The following SSBP2 variants were observed in gnomAD, a reference collection of about 807,000 sequenced individuals.
SSBP2 encodes the protein single stranded DNA binding protein 2.
Under a neutral mutation model 61.8 loss-of-function variants are expected in SSBP2, and 17 were observed. That is an observed-to-expected ratio of 0.28 (90% CI 0.19 to 0.41). The LOEUF (loss-of-function observed/expected upper bound fraction) is 0.41. SSBP2 is among the 10% of genes least tolerant of loss of function. The probability of loss-of-function intolerance (pLI) is 1.00; values close to 1 mark genes in which losing one functional copy is unlikely to be tolerated. For synonymous variants in SSBP2, 139 were observed against 141.3 expected (o/e 0.98, Z 0.12); for missense variants, 310 against 458.7 (o/e 0.68, Z 2.96).
chr5:81,602,261 C>G (rs940321025), intron 4 of SSBP2, among the ~76,000 whole-genome samples: 1 of 152,166 alleles, frequency 6.6e-6, no homozygotes, highest in African/African-American at 2.4e-5. Flanking sequence ...TTAGTCCAGA[C>G]TGATATAATT....
intron 4 of SSBP2, among the ~76,000 whole-genome samples, chr5:81,545,883 G>A (rs1285352418): frequency 2.6e-5 from 4 of 152,118 alleles, no homozygotes; most frequent in African/African-American, 9.7e-5. Context: ...TTTGTCATAG[G>A]CCTTTGCTCC....
chr5:81,635,580 A>ATTTT (rs35464950), intron 3 of SSBP2, among the ~76,000 whole-genome samples: 5 of 130,888 alleles, frequency 3.8e-5, no homozygotes, highest in Non-Finnish European at 4.8e-5. Flanking sequence ...GTAGAAAGCA[A>ATTTT]TTTTTTTTTT....
At chr5:81,425,620 A>G (rs904291444) in intron 16 of SSBP2, among the ~76,000 whole-genome samples, 2 of 151,990 alleles carry the variant, frequency 1.3e-5, no homozygotes. Flanking sequence ...TTTTTTTTGA[A>G]CTAAGGCTTT....
Position 81,414,826 on chromosome 5 carries a change from G to A in SSBP2, c.*5678C>T, listed in dbSNP as rs1580617605. The A allele has an allele frequency of 7.7e-6, 1 of 130,432 alleles. No homozygotes were observed. Among genetic ancestry groups the A allele is most frequent in the East Asian group, 2.2e-4 (1 of 4,446 alleles). 8.1% of individuals were successfully genotyped at this position (130,432 alleles called of 1,614,324 possible). ...TGTTTTACCACTGAAATGAAAAGTA[G>A]TCAAAGGAAATAATTATGTTTAATC... On this transcript the variant is annotated 3_prime_UTR_variant, in exon 17 of 17. Coordinates refer to ENST00000320672, the MANE Select transcript of SSBP2 (RefSeq NM_012446.5).
At chr5:81,715,135 C>T (rs1358579174) in intron 1 of SSBP2, among the ~76,000 whole-genome samples, 2 of 152,106 alleles carry the variant, frequency 1.3e-5, no homozygotes, top group Non-Finnish European at 2.9e-5. Flanking sequence ...CACACCCACA[C>T]ACTCACAGAG....
intron 1 of SSBP2, among the ~76,000 whole-genome samples, chr5:81,698,136 A>G (rs562033982): frequency 5.3e-5 from 8 of 152,226 alleles, no homozygotes; most frequent in Non-Finnish European, 1.0e-4. Context: ...CAAAGAAAAT[A>G]CACTGAAAGT....
intron 1 of SSBP2, among the ~76,000 whole-genome samples, chr5:81,744,884 A>G (rs949095042): frequency 6.6e-6 from 1 of 152,128 alleles, no homozygotes; most frequent in African/African-American, 2.4e-5. Context: ...TTCTAAAGAA[A>G]TGACACCAAC....
At chr5:81,461,034 A>T (rs752312753) in intron 10 of SSBP2, 21 bp downstream of exon 10, 32 of 1,297,796 alleles carry the variant, frequency 2.5e-5, no homozygotes, top group South Asian at 1.2e-4. Flanking sequence ...AATATTAAAA[A>T]AAATATATAT....
At chr5:81,536,704 G>T (rs1267523409) in intron 4 of SSBP2, among the ~76,000 whole-genome samples, 1 of 152,100 alleles carries the variant, frequency 6.6e-6, no homozygotes, top group Non-Finnish European at 1.5e-5. Context: ...TCACAGGACA[G>T]GAAAAATTAC....
intron 1 of SSBP2, among the ~76,000 whole-genome samples, chr5:81,745,905 G>C (rs977589356): frequency 6.6e-6 from 1 of 152,044 alleles, no homozygotes; most frequent in South Asian, 2.1e-4. Flanking sequence ...CTGCCCCACA[G>C]AGTATGCTCT....
intron 4 of SSBP2, among the ~76,000 whole-genome samples, chr5:81,558,246 A>G (rs966404638): frequency 6.6e-6 from 1 of 152,174 alleles, no homozygotes; most frequent in African/African-American, 2.4e-5. Context: ...TACTGTTGCT[A>G]CATGTCTTAG....
At chr5:81,649,385 T>C (rs1194878178) in intron 2 of SSBP2, among the ~76,000 whole-genome samples, 1 of 151,968 alleles carries the variant, frequency 6.6e-6, no homozygotes, top group Non-Finnish European at 1.5e-5. Context: ...TAGGTGCCTA[T>C]CAGTGGTGGA....
intron 1 of SSBP2, among the ~76,000 whole-genome samples, chr5:81,688,542 C>T (rs553729904): frequency 2.1e-4 from 32 of 152,336 alleles, no homozygotes; most frequent in Middle Eastern, 6.8e-3. Flanking sequence ...ACCCCTCACG[C>T]AGCTCCAGGC....
chr5:81,729,649 T>C (rs1000646218), intron 1 of SSBP2, among the ~76,000 whole-genome samples: 1 of 152,184 alleles, frequency 6.6e-6, no homozygotes, highest in Non-Finnish European at 1.5e-5. Flanking sequence ...TATTAGGTTG[T>C]GATTCATAAA....
chr5:81,673,649 A>C (rs1197678302), intron 1 of SSBP2, among the ~76,000 whole-genome samples: 1 of 152,204 alleles, frequency 6.6e-6, no homozygotes, highest in Non-Finnish European at 1.5e-5. Flanking sequence ...GAAAAGAGAC[A>C]AGTCAAGAGA....
At chr5:81,445,570 C>T (rs546954237) in intron 12 of SSBP2, among the ~76,000 whole-genome samples, 1 of 151,994 alleles carries the variant, frequency 6.6e-6, no homozygotes, top group Admixed American at 6.6e-5. Flanking sequence ...AATGAAGATG[C>T]CTTCAGGACA....
At chr5:81,476,055 G>T (rs938157918) in intron 6 of SSBP2, among the ~76,000 whole-genome samples, 1 of 151,904 alleles carries the variant, frequency 6.6e-6, no homozygotes, top group Non-Finnish European at 1.5e-5. Flanking sequence ...TACTGCATTT[G>T]CCTTATCAGC....
rs777566804 is a variant in SSBP2, at chr5:81,739,752, C to T, written c.62+11229G>A. On this transcript the variant is annotated intron_variant, in intron 1 of 16. Transcript: ENST00000320672. Reference sequence around the variant, plus strand: ...TAAAATAGTTAACAAGTTTTAAAAACATTTTAAATGCTATTTTGGCAAAAT... The same window carrying T: ...TAAAATAGTTAACAAGTTTTAAAAATATTTTAAATGCTATTTTGGCAAAAT... 7.2e-5 allele frequency among the ~76,000 whole-genome samples: 11 copies of T among 152,168 alleles called. No homozygotes were observed. In the Middle Eastern group the frequency reaches 0.01, roughly 141 times the overall value.
At chr5:81,472,594 T>C (rs1580770839) in intron 8 of SSBP2, among the ~76,000 whole-genome samples, 2 of 152,278 alleles carry the variant, frequency 1.3e-5, no homozygotes, top group African/African-American at 4.8e-5. Context: ...CTGGGTTTTA[T>C]TTATTTATTT....
Sources: allele counts gnomAD v4.1 joint callset (sites outside exome capture counted in the v4.1 genomes callset), GRCh38; gene constraint gnomAD v4.1.1; transcripts MANE v1.5; gene names NCBI Gene and HGNC (gene_info 2026-07-23, HGNC 2026-07-21).